The following RYR2 variants were observed in gnomAD, a reference collection of about 807,000 sequenced individuals.
RYR2 encodes the protein cardiac muscle ryanodine receptor-calcium release channel.
Under a neutral mutation model 601.1 loss-of-function variants are expected in RYR2, and 227 were observed. The observed-to-expected ratio is 0.38, with a 90% CI of 0.34 to 0.42. The LOEUF is 0.42. RYR2 is among the 10% of genes least tolerant of loss of function. RYR2 has a pLI of 1.00. For missense variants in RYR2, 4,646 were observed against 6,156.5 expected (o/e 0.75, Z 8.21); for synonymous variants, 2,223 against 2,175.1 (o/e 1.02, Z -0.61).
At chr1:237,554,171 C>T (rs920145048) in intron 27 of RYR2, among the ~76,000 whole-genome samples, 1 of 151,288 alleles carries the variant, frequency 6.6e-6, no homozygotes, top group Non-Finnish European at 1.5e-5. Flanking sequence ...AGATTCCCTT[C>T]TGTTCTTAGT....
intron 92 of RYR2, among the ~76,000 whole-genome samples, chr1:237,790,954 T>C (rs1044806928): frequency 6.6e-6 from 1 of 151,672 alleles, no homozygotes; most frequent in Non-Finnish European, 1.5e-5. Flanking sequence ...CTGTGTTTCC[T>C]TCTATTTCTC....
chr1:237,648,728 C>T (rs1682424764), intron 49 of RYR2, 115 bp downstream of exon 49: 1 of 1,203,602 alleles, frequency 8.3e-7, no homozygotes, highest in African/African-American at 1.5e-5. Flanking sequence ...TATTGAGTAC[C>T]TGTTATATTT....
intron 38 of RYR2, among the ~76,000 whole-genome samples, chr1:237,621,725 AATAC>A: frequency 6.6e-6 from 1 of 152,348 alleles, no homozygotes; most frequent in East Asian, 1.9e-4. Flanking sequence ...GTACCTCATA[AATAC>A]ATACAATTAA....
At chr1:237,253,313 C>T (rs368819229) in intron 1 of RYR2, among the ~76,000 whole-genome samples, 23 of 152,272 alleles carry the variant, frequency 1.5e-4, no homozygotes, top group Admixed American at 9.8e-4. Flanking sequence ...TGCCACTAGA[C>T]CCCACCACTC....
At chr1:237,754,152 A>G (rs572918381) in intron 80 of RYR2, among the ~76,000 whole-genome samples, 1 of 127,498 alleles carries the variant, frequency 7.8e-6, no homozygotes, top group African/African-American at 3.8e-5. Context: ...TTTTGGCTCA[A>G]TGTTTTTTTT....
chr1:237,498,182 G>A (rs1664272582), intron 20 of RYR2, among the ~76,000 whole-genome samples: 1 of 151,950 alleles, frequency 6.6e-6, no homozygotes, highest in Non-Finnish European at 1.5e-5. Flanking sequence ...TTTAATTTTT[G>A]TGAGTACATA....
intron 100 of RYR2, among the ~76,000 whole-genome samples, chr1:237,818,212 C>T (rs1234512089): frequency 6.6e-6 from 1 of 152,148 alleles, no homozygotes; most frequent in African/African-American, 2.4e-5. Context: ...CCACCCCCTG[C>T]CCCAGGACAT....
chr1:237,280,395 CTACTT>C (rs1007277018), intron 2 of RYR2, among the ~76,000 whole-genome samples: 27 of 152,142 alleles, frequency 1.8e-4, no homozygotes, highest in Non-Finnish European at 3.2e-4. Context: ...TTTCTTCTCT[CTACTT>C]TATTCATTTT....
chr1:237,643,096 C>A (rs776705292), intron 47 of RYR2, among the ~76,000 whole-genome samples: 2 of 152,128 alleles, frequency 1.3e-5, no homozygotes, highest in Non-Finnish European at 2.9e-5. Flanking sequence ...AACCAACTGG[C>A]CTAGACCATA....
At chr1:237,493,620 T>G (rs1663670518) in intron 19 of RYR2, among the ~76,000 whole-genome samples, 1 of 151,842 alleles carries the variant, frequency 6.6e-6, no homozygotes, top group African/African-American at 2.4e-5. Flanking sequence ...GCCTGGCTAA[T>G]TTTTTGTATT....
chr1:237,096,102 A>G (rs1667479003), intron 1 of RYR2, among the ~76,000 whole-genome samples: 1 of 152,176 alleles, frequency 6.6e-6, no homozygotes, highest in Non-Finnish European at 1.5e-5. Flanking sequence ...TGGGACTTTT[A>G]TAGACTTTCA....
rs148019277 is a variant in RYR2 at position 237,387,267 on chromosome 1, G to A, written c.577-14G>A. The A allele has an allele frequency of 5.3e-5, 85 of 1,613,182 alleles. No individual in the cohort carries two copies. The Middle Eastern group carries it at 8.3e-4, about 16-fold the overall frequency. On this transcript the variant is annotated splice_polypyrimidine_tract_variant and intron_variant, in intron 8 of 104. Coordinates refer to ENST00000366574, the MANE Select transcript of RYR2 (RefSeq NM_001035.3). ...AGAGCCTGAAGTGATGCCTCCTTTTGCCTCTTGATACAGCACTTGTCTTAT... is the reference window on the plus strand; with the variant it reads ...AGAGCCTGAAGTGATGCCTCCTTTTACCTCTTGATACAGCACTTGTCTTAT...
intron 18 of RYR2, 117 bp downstream of exon 18, chr1:237,492,041 A>G: frequency 1.6e-6 from 1 of 615,386 alleles, no homozygotes; most frequent in East Asian, 3.1e-5. Context: ...TAATCTCTTA[A>G]TTATTTTTTG....
At position 237,717,304 on chromosome 1, in the gene RYR2, G is replaced by A. The variant is rs1468634766; in HGVS notation, c.10430G>A (p.Gly3477Glu). 1 of 1,613,234 alleles carries A rather than the reference G, an allele frequency of 6.2e-7. No individual in the cohort carries two copies. The change falls in exon 72 of 105, where the codon GGG becomes GAG. Residue 3477 changes from glycine to glutamate, a missense_variant. Around this residue, in one of 17 missense-constraint regions of RYR2, gnomAD observed 1,497 missense variants for 1,842.6 expected, o/e 0.81. Coordinates refer to ENST00000366574, the MANE Select transcript of RYR2 (RefSeq NM_001035.3). ...GCTCTGAAGCGGTTACTGCCCATTG[G>A]GTTGAACATCTGTGCCCCTGGGGAC... ...VAALKRLLPI[G>E]LNICAPGDQE...
Position 237,160,162 on chromosome 1 carries a change from G to A in RYR2, c.49-110335G>A, listed in dbSNP as rs1050581563. Among the ~76,000 whole-genome samples, 2 of 152,236 alleles carry A rather than the reference G, an allele frequency of 1.3e-5. 1 individual carries two copies. The highest frequency in any genetic ancestry group is 6.8e-3 in the Middle Eastern group (2 of 294). ...GATTAACTTTCTTAATATTGAAGAA[G>A]GGTATCTTATACTGGTATAAAGCAG... On this transcript the variant is annotated intron_variant, in intron 1 of 104. Transcript: ENST00000366574.
chr1:237,686,406 G>A (rs1686397589), intron 62 of RYR2, among the ~76,000 whole-genome samples: 1 of 152,126 alleles, frequency 6.6e-6, no homozygotes, highest in African/African-American at 2.4e-5. Context: ...CTTGCAGCCT[G>A]GGTTGGGAGC....
chr1:237,606,901 G>T (rs1162972233), intron 35 of RYR2, among the ~76,000 whole-genome samples: 2 of 152,156 alleles, frequency 1.3e-5, no homozygotes, highest in Non-Finnish European at 2.9e-5. Flanking sequence ...TTAGAATGGT[G>T]ATCATTAAAA....
At chr1:237,289,886 T>A (rs1226801603) in intron 2 of RYR2, among the ~76,000 whole-genome samples, 1 of 152,260 alleles carries the variant, frequency 6.6e-6, no homozygotes, top group Non-Finnish European at 1.5e-5. Flanking sequence ...GGCATAAAAC[T>A]ATTTTAGTTG....
At chr1:237,319,022 G>A (rs1306936811) in intron 2 of RYR2, among the ~76,000 whole-genome samples, 2 of 151,354 alleles carry the variant, frequency 1.3e-5, no homozygotes, top group Non-Finnish European at 2.9e-5. Context: ...TTTTTTTTCT[G>A]TGTACTTCAG....
Sources: gnomAD v4.1 joint callset for allele counts (sites outside exome capture counted in the v4.1 genomes callset) on GRCh38, gnomAD v4.1.1 for gene constraint, gnomAD v4.1.1 regional missense constraint, MANE v1.5 for transcripts, NCBI Gene and HGNC (gene_info 2026-07-23, HGNC 2026-07-21) for gene names.